Variants in MIPOL1 observed in about 807,000 individuals in gnomAD.
MIPOL1 encodes mirror-image polydactyly 1, also known as mirror-image polydactyly gene 1 protein.
Under a neutral mutation model 60.9 loss-of-function variants are expected in MIPOL1, and 57 were observed. That is an observed-to-expected ratio of 0.94 (90% CI 0.76 to 1.17). The LOEUF (loss-of-function observed/expected upper bound fraction) is 1.17, where lower values mean the gene tolerates loss of function less well. Ranked by LOEUF, MIPOL1 falls within the 50% of genes most tolerant of loss-of-function variation. The probability of loss-of-function intolerance (pLI) is 0.00; values close to 1 mark genes in which losing one functional copy is unlikely to be tolerated. For synonymous variants in MIPOL1, 179 were observed against 168.8 expected (o/e 1.06, Z -0.47); for missense variants, 551 against 511.6 (o/e 1.08, Z -0.74).
intron 11 of MIPOL1, among the ~76,000 whole-genome samples, chr14:37,469,779 T>A (rs2094654862): frequency 6.6e-6 from 1 of 152,100 alleles, no homozygotes; most frequent in Non-Finnish European, 1.5e-5. Context: ...AAAAAAAGGA[T>A]AAGGTCAGCC....
intron 11 of MIPOL1, among the ~76,000 whole-genome samples, chr14:37,428,082 A>C (rs1230325325): frequency 2.0e-5 from 3 of 152,276 alleles, no homozygotes; most frequent in Admixed American, 2.0e-4. Flanking sequence ...TATTTAAGAA[A>C]AAAATAAGGC....
intron 1 of MIPOL1, among the ~76,000 whole-genome samples, chr14:37,222,126 A>G (rs1296710662): frequency 1.3e-5 from 2 of 152,178 alleles, no homozygotes; most frequent in African/African-American, 2.4e-5. Flanking sequence ...TGGCAAAGGT[A>G]TAGGAGAGAC....
intron 1 of MIPOL1, among the ~76,000 whole-genome samples, chr14:37,214,538 T>A (rs1182406682): frequency 6.6e-6 from 1 of 152,178 alleles, no homozygotes; most frequent in Non-Finnish European, 1.5e-5. Flanking sequence ...AGAACATTTA[T>A]ACTAGATATA....
chr14:37,427,444 A>G (rs1194709204), intron 11 of MIPOL1, among the ~76,000 whole-genome samples: 1 of 152,198 alleles, frequency 6.6e-6, no homozygotes, highest in Non-Finnish European at 1.5e-5. Flanking sequence ...GTGGGGAATT[A>G]TATGATTTAC....
chr14:37,236,461 T>TTA, intron 1 of MIPOL1, among the ~76,000 whole-genome samples: 1 of 151,814 alleles, frequency 6.6e-6, no homozygotes, highest in African/African-American at 2.4e-5. Context: ...TATTATTATT[T>TTA]TTGAGACCCT....
At chr14:37,201,273 T>G (rs1965297761) in intron 1 of MIPOL1, among the ~76,000 whole-genome samples, 1 of 152,188 alleles carries the variant, frequency 6.6e-6, no homozygotes, top group Non-Finnish European at 1.5e-5. Flanking sequence ...ATACTTTATT[T>G]GGTTTACCAG....
At chr14:37,330,710 A>ACTT (rs2089600500) in intron 9 of MIPOL1, among the ~76,000 whole-genome samples, 1 of 138,610 alleles carries the variant, frequency 7.2e-6, no homozygotes, top group South Asian at 2.2e-4. Context: ...TGTCCTCTTC[A>ACTT]TTTTTTTTTT....
chr14:37,207,559 T>TA, intron 1 of MIPOL1, among the ~76,000 whole-genome samples: 1 of 151,960 alleles, frequency 6.6e-6, no homozygotes, highest in Admixed American at 6.6e-5. Flanking sequence ...TTATTATTAT[T>TA]TTTTGAGATG....
At chr14:37,206,305 G>A (rs1299235336) in intron 1 of MIPOL1, among the ~76,000 whole-genome samples, 1 of 152,202 alleles carries the variant, frequency 6.6e-6, no homozygotes, top group Non-Finnish European at 1.5e-5. Flanking sequence ...GCTTCAGAGT[G>A]CGCAGGCCCG....
intron 1 of MIPOL1, among the ~76,000 whole-genome samples, chr14:37,211,761 C>T (rs1966848654): frequency 6.6e-6 from 1 of 151,994 alleles, no homozygotes; most frequent in Non-Finnish European, 1.5e-5. Context: ...GGAGTGCTGG[C>T]ATCACCCCTC....
chr14:37,390,080 A>G (rs903230987), intron 10 of MIPOL1, among the ~76,000 whole-genome samples: 2 of 151,860 alleles, frequency 1.3e-5, no homozygotes, highest in African/African-American at 2.4e-5. Flanking sequence ...TTAGCCAGGC[A>G]TGGTGGTGGG....
chr14:37,202,612 A>G (rs1392869331), intron 1 of MIPOL1, among the ~76,000 whole-genome samples: 1 of 152,218 alleles, frequency 6.6e-6, no homozygotes, highest in Non-Finnish European at 1.5e-5. Context: ...AGACTTCATA[A>G]GGGAGCAAAT....
chr14:37,298,367 A>T (rs532631683), intron 7 of MIPOL1, among the ~76,000 whole-genome samples: 2 of 152,254 alleles, frequency 1.3e-5, no homozygotes, highest in Admixed American at 1.3e-4. Flanking sequence ...AACCTAGGCA[A>T]TACCATTCAG....
intron 10 of MIPOL1, 95 bp downstream of exon 10, chr14:37,369,719 G>GA: frequency 1.2e-6 from 1 of 829,522 alleles, no homozygotes; most frequent in Non-Finnish European, 1.9e-6. Flanking sequence ...CATTTCAGCA[G>GA]AAGTGAGCTG....
rs1402691255 is a variant in MIPOL1 at position 37,549,439 on chromosome 14, G to T, written c.*2468G>T. ...AATAACGATGGTGATGATAATTTTA[G>T]TATTACTGTCATTATAATTATTATT... On this transcript the variant is annotated 3_prime_UTR_variant, in exon 13 of 13. Coordinates refer to ENST00000684589, the MANE Select transcript of MIPOL1 (RefSeq NM_001388067.1). 1 of 151,500 alleles carries T rather than the reference G, an allele frequency of 6.6e-6. No individual in the cohort carries two copies. The highest frequency in any genetic ancestry group is 6.6e-5 in the Admixed American group (1 of 15,218). The allele number at this position is 151,500 out of a possible 1,614,324, so 9.4% of individuals were successfully genotyped here.
At chr14:37,222,554 T>C (rs774906914) in intron 1 of MIPOL1, among the ~76,000 whole-genome samples, 1 of 152,112 alleles carries the variant, frequency 6.6e-6, no homozygotes, top group Non-Finnish European at 1.5e-5. Context: ...CTTTTGGGCA[T>C]GGACATAATT....
intron 9 of MIPOL1, among the ~76,000 whole-genome samples, chr14:37,318,883 C>T (rs2088244671): frequency 6.6e-6 from 1 of 151,970 alleles, no homozygotes; most frequent in Non-Finnish European, 1.5e-5. Flanking sequence ...GGCTGGAATA[C>T]AGTGGTGTGA....
intron 11 of MIPOL1, among the ~76,000 whole-genome samples, chr14:37,468,739 T>C (rs2094635166): frequency 6.6e-6 from 1 of 152,150 alleles, no homozygotes; most frequent in Admixed American, 6.5e-5. Context: ...GGTTGAAAGG[T>C]CTGAGTACTA....
chr14:37,441,815 T>C (rs1019361959), intron 11 of MIPOL1, among the ~76,000 whole-genome samples: 1 of 152,046 alleles, frequency 6.6e-6, no homozygotes, highest in Non-Finnish European at 1.5e-5. Flanking sequence ...GACGTTGGTG[T>C]TTTCATAGGG....
Sources: allele counts gnomAD v4.1 joint callset (sites outside exome capture counted in the v4.1 genomes callset), GRCh38; gene constraint gnomAD v4.1.1; transcripts MANE v1.5; gene names NCBI Gene and HGNC (gene_info 2026-07-23, HGNC 2026-07-21).